GNAQ: variants seen among roughly 807,000 people sequenced by gnomAD.
GNAQ encodes the protein G protein subunit alpha q, also known as guanine nucleotide-binding protein G(q) subunit alpha.
A neutral mutation model predicts 43.9 loss-of-function variants in GNAQ; 8 were observed. The ratio of observed to expected loss-of-function variants is 0.18; its 90% confidence interval spans 0.11 to 0.33. The LOEUF is 0.33. Among genes scored for constraint, GNAQ ranks in the 10% least tolerant of loss-of-function variants. The probability of loss-of-function intolerance (pLI) is 1.00; values close to 1 mark genes in which losing one functional copy is unlikely to be tolerated. For synonymous variants in GNAQ, 155 were observed against 170.7 expected (o/e 0.91, Z 0.71); for missense variants, 158 against 450.8 (o/e 0.35, Z 5.88).
chr9:77,916,180 T>G (rs1038292263), intron 2 of GNAQ, among the ~76,000 whole-genome samples: 13 of 152,342 alleles, frequency 8.5e-5, no homozygotes, highest in African/African-American at 3.1e-4. Flanking sequence ...TCAGATAAAT[T>G]CATTTTCTGC....
chr9:77,973,907 G>T (rs1343792354), intron 1 of GNAQ, among the ~76,000 whole-genome samples: 1 of 151,982 alleles, frequency 6.6e-6, no homozygotes, highest in Non-Finnish European at 1.5e-5. Flanking sequence ...ATTAACTAAA[G>T]TCCTTACTGG....
chr9:77,886,046 G>A (rs879782439), intron 2 of GNAQ, among the ~76,000 whole-genome samples: 2 of 152,064 alleles, frequency 1.3e-5, no homozygotes, highest in Non-Finnish European at 2.9e-5. Flanking sequence ...GCACGATCTC[G>A]GTTCACTGCA....
intron 5 of GNAQ, among the ~76,000 whole-genome samples, chr9:77,740,352 T>C (rs945639422): frequency 1.3e-5 from 2 of 152,338 alleles, no homozygotes; most frequent in African/African-American, 4.8e-5. Flanking sequence ...AAGTTTTCTC[T>C]CTTCCCTTTG....
At chr9:78,002,858 T>G (rs964660533) in intron 1 of GNAQ, among the ~76,000 whole-genome samples, 2 of 152,194 alleles carry the variant, frequency 1.3e-5, no homozygotes, top group African/African-American at 4.8e-5. Flanking sequence ...CCTAAATGAC[T>G]AATTCTTTGA....
At chr9:77,987,128 T>C (rs546137720) in intron 1 of GNAQ, among the ~76,000 whole-genome samples, 142 of 152,276 alleles carry the variant, frequency 9.3e-4, no homozygotes, top group Non-Finnish European at 4.0e-4. Context: ...TCTTTGCCTG[T>C]CGTCATGTTG....
chr9:77,893,096 G>C (rs752858842), intron 2 of GNAQ, among the ~76,000 whole-genome samples: 4 of 152,122 alleles, frequency 2.6e-5, no homozygotes, highest in Non-Finnish European at 5.9e-5. Flanking sequence ...TTTCAAACCA[G>C]AGCGACTCCA....
intron 2 of GNAQ, among the ~76,000 whole-genome samples, chr9:77,917,465 G>C (rs920828337): frequency 2.6e-5 from 4 of 151,610 alleles, no homozygotes; most frequent in Non-Finnish European, 5.9e-5. Flanking sequence ...CCCATGACAC[G>C]AGTTTACCTA....
At chr9:77,801,863 TA>T (rs1177981425) in intron 3 of GNAQ, among the ~76,000 whole-genome samples, 10 of 152,232 alleles carry the variant, frequency 6.6e-5, no homozygotes, top group African/African-American at 2.4e-4. Context: ...GTGAAGCAGG[TA>T]AAATTTATAG....
At chr9:77,983,856 C>G (rs549519917) in intron 1 of GNAQ, among the ~76,000 whole-genome samples, 1 of 152,004 alleles carries the variant, frequency 6.6e-6, no homozygotes, top group African/African-American at 2.4e-5. Context: ...TCAGAACTTG[C>G]TGTATCCTAA....
intron 2 of GNAQ, among the ~76,000 whole-genome samples, chr9:77,816,125 G>A (rs1349452309): frequency 1.3e-5 from 2 of 152,086 alleles, no homozygotes; most frequent in Non-Finnish European, 2.9e-5. Context: ...AAGGAGGCAG[G>A]AGTAATTATC....
Position 77,728,500 on chromosome 9 carries a change from G to C in GNAQ, c.889+14C>G. On this transcript the variant is annotated intron_variant, in intron 6 of 6. Transcript: ENST00000286548. Reference sequence around the variant, plus strand: ...ATTCACAGCTACTGAGCTGTGGTATGAGTGCTGACTTACCATCATATTCTG... The same window carrying C: ...ATTCACAGCTACTGAGCTGTGGTATCAGTGCTGACTTACCATCATATTCTG... 1.3e-6 allele frequency: 2 copies of C among 1,583,440 alleles called. No homozygotes were observed. Among genetic ancestry groups the C allele is most frequent in the Non-Finnish European group, 1.7e-6 (2 of 1,153,828 alleles).
At chr9:77,978,450 T>C (rs1823329814) in intron 1 of GNAQ, among the ~76,000 whole-genome samples, 1 of 152,240 alleles carries the variant, frequency 6.6e-6, no homozygotes, top group African/African-American at 2.4e-5. Flanking sequence ...TTTCCTGCCT[T>C]CTAGCCTCAG....
intron 1 of GNAQ, among the ~76,000 whole-genome samples, chr9:77,945,768 C>A (rs1822881994): frequency 6.6e-6 from 1 of 152,136 alleles, no homozygotes. Context: ...CAGCCAAGTA[C>A]TAGTGGTGAA....
intron 1 of GNAQ, among the ~76,000 whole-genome samples, chr9:77,968,992 G>A (rs1046342348): frequency 1.3e-5 from 2 of 152,216 alleles, no homozygotes; most frequent in Admixed American, 1.3e-4. Context: ...TGATGGCGGA[G>A]CCAAGAGCTT....
chr9:77,736,701 A>G (rs1825581653), intron 5 of GNAQ, among the ~76,000 whole-genome samples: 1 of 152,034 alleles, frequency 6.6e-6, no homozygotes, highest in Non-Finnish European at 1.5e-5. Flanking sequence ...AGGAGGAAAA[A>G]AGGAAGACAG....
chr9:77,733,984 A>C (rs1249958691), intron 5 of GNAQ, among the ~76,000 whole-genome samples: 1 of 152,224 alleles, frequency 6.6e-6, no homozygotes, highest in Non-Finnish European at 1.5e-5. Context: ...CCCCAGCTGG[A>C]AGCTAGCTTT....
intron 1 of GNAQ, among the ~76,000 whole-genome samples, chr9:77,970,986 A>G (rs974819039): frequency 2.0e-5 from 3 of 152,196 alleles, no homozygotes; most frequent in Non-Finnish European, 2.9e-5. Flanking sequence ...ACCATCAGAG[A>G]ATACCATAAA....
chr9:77,928,669 A>T (rs1829102810), intron 1 of GNAQ, among the ~76,000 whole-genome samples: 1 of 152,166 alleles, frequency 6.6e-6, no homozygotes, highest in Non-Finnish European at 1.5e-5. Flanking sequence ...AACTAACATC[A>T]GTTGGTTGCA....
chr9:77,866,517 T>C (rs1415002537), intron 2 of GNAQ, among the ~76,000 whole-genome samples: 1 of 152,226 alleles, frequency 6.6e-6, no homozygotes, highest in East Asian at 1.9e-4. Flanking sequence ...TTGTGATATC[T>C]TGTCAGTCTT....
Sources: allele counts gnomAD v4.1 joint callset (sites outside exome capture counted in the v4.1 genomes callset), GRCh38; gene constraint gnomAD v4.1.1; transcripts MANE v1.5; gene names NCBI Gene and HGNC (gene_info 2026-07-23, HGNC 2026-07-21).